Variants in DST observed in about 807,000 individuals in gnomAD.
DST encodes the protein dystonin, also known as bullous pemphigoid antigen.
Under a neutral mutation model 875.2 loss-of-function variants are expected in DST, and 253 were observed. The ratio of observed to expected loss-of-function variants is 0.29; its 90% CI spans 0.26 to 0.32. The LOEUF is 0.32. Among genes scored for constraint, DST ranks in the 10% least tolerant of loss-of-function variants. DST has a pLI of 1.00. For missense variants in DST, 8,287 were observed against 9,111.6 expected (o/e 0.91, Z 3.68); for synonymous variants, 3,124 against 3,197.1 (o/e 0.98, Z 0.77).
chr6:56,697,633 AACTT>A (rs1335064939), intron 9 of DST, among the ~76,000 whole-genome samples: 2 of 152,192 alleles, frequency 1.3e-5, no homozygotes, highest in African/African-American at 4.8e-5. Flanking sequence ...CCAAGAACGA[AACTT>A]AATTCTACCT....
chr6:56,605,022 A>G lies in DST; in HGVS notation c.9606T>C (p.Asp3202=), dbSNP rs776299490. 2 of 1,612,964 alleles carry G rather than the reference A, an allele frequency of 1.2e-6. No individual in the cohort carries two copies. The highest frequency in any genetic ancestry group is 1.7e-6 in the Non-Finnish European group (2 of 1,179,334). Residue 3202 remains aspartate (D), a synonymous_variant, in exon 40 of 104, where the codon GAT becomes GAC. Coordinates refer to ENST00000680361, the MANE Select transcript of DST (RefSeq NM_001374736.1). ...CAGTTATTAAAACATGGCTTGGGAC[A>G]TCTTCATTTGGTTTGGCTACATCTT... ...KAKDVAKPNE[D]VPSHVLITAP... is the part of the protein sequence containing the mutation.
At chr6:56,697,086 A>T (rs1175126291) in intron 9 of DST, among the ~76,000 whole-genome samples, 1 of 152,054 alleles carries the variant, frequency 6.6e-6, no homozygotes, top group Non-Finnish European at 1.5e-5. Context: ...CCATCCCATC[A>T]AGCCCACCCA....
chr6:56,721,389 C>A (rs1465235469), intron 5 of DST, among the ~76,000 whole-genome samples: 2 of 152,346 alleles, frequency 1.3e-5, no homozygotes, highest in East Asian at 1.9e-4. Flanking sequence ...ACAGGCCTAG[C>A]AAATCACAAG....
intron 49 of DST, among the ~76,000 whole-genome samples, chr6:56,585,842 T>C (rs1191506821): frequency 2.0e-5 from 3 of 152,188 alleles, no homozygotes; most frequent in African/African-American, 7.2e-5. Flanking sequence ...CTGCCTTCAT[T>C]TCGTTAGGTA....
At chr6:56,953,133 G>T (rs1158898525) in intron 2 of DST, among the ~76,000 whole-genome samples, 1 of 152,198 alleles carries the variant, frequency 6.6e-6, no homozygotes, top group South Asian at 2.1e-4. Flanking sequence ...ATAAGTGGAG[G>T]TTGGCCTGAA....
rs752562075 is a variant in DST at position 56,603,393 on chromosome 6, C to T, written c.10969G>A (p.Ala3657Thr). 1.2e-6 allele frequency: 2 copies of T among 1,610,632 alleles called. No individual in the cohort carries two copies. The highest frequency in any genetic ancestry group is 1.7e-5 in the Admixed American group (1 of 59,792). The part of the protein sequence containing the change: ...ETFELGLAPI[A>T]VILRKDMKLA... Reference sequence around the variant, plus strand: ...TTCATATCTTTTCTTAAAATAACAGCAATTGGAGCTAATCCCAATTCAAAT... The same window carrying T: ...TTCATATCTTTTCTTAAAATAACAGTAATTGGAGCTAATCCCAATTCAAAT... Residue 3657 changes from alanine to threonine, a missense_variant, in exon 42 of 104, where the codon GCT (alanine) becomes ACT (threonine). Ala to Thr is a moderately conservative substitution (Grantham distance 58, BLOSUM62 0). Around this residue, in one of 10 missense-constraint regions of DST, gnomAD observed 3,138 missense variants for 3,116.6 expected, o/e 1.01. Transcript: ENST00000680361.
intron 92 of DST, among the ~76,000 whole-genome samples, chr6:56,475,394 A>AACATAC (rs1554218041): frequency 6.9e-6 from 1 of 144,882 alleles, no homozygotes; most frequent in African/African-American, 2.6e-5. Flanking sequence ...AGGCTTTTAA[A>AACATAC]ACACACACAC....
At chr6:56,776,250 G>C (rs1468716099) in intron 4 of DST, among the ~76,000 whole-genome samples, 1 of 152,100 alleles carries the variant, frequency 6.6e-6, no homozygotes, top group Non-Finnish European at 1.5e-5. Flanking sequence ...CCTCAAAACT[G>C]TCAAAATCAT....
chr6:56,739,333 C>G (rs998596254), intron 4 of DST, among the ~76,000 whole-genome samples: 8 of 151,830 alleles, frequency 5.3e-5, no homozygotes, highest in African/African-American at 1.9e-4. Flanking sequence ...TCAAAATGAA[C>G]CTAAATTACC....
intron 2 of DST, among the ~76,000 whole-genome samples, chr6:56,929,642 T>C (rs1809099584): frequency 6.6e-6 from 1 of 152,208 alleles, no homozygotes; most frequent in South Asian, 2.1e-4. Flanking sequence ...GCTTTGATTT[T>C]TGAATCACGT....
chr6:56,752,317 T>C (rs1298689385), intron 4 of DST, among the ~76,000 whole-genome samples: 2 of 152,134 alleles, frequency 1.3e-5, no homozygotes, highest in African/African-American at 4.8e-5. Context: ...GGCTTGATTT[T>C]ATGCTTTTTT....
intron 3 of DST, among the ~76,000 whole-genome samples, chr6:56,889,157 T>C (rs906072109): frequency 1.6e-4 from 24 of 152,212 alleles, no homozygotes; most frequent in African/African-American, 5.8e-4. Context: ...CTCTTCTCTA[T>C]CAAATTCATT....
At chr6:56,634,370 T>A (rs1419266003) in intron 26 of DST, 92 bp downstream of exon 26, 1 of 1,607,216 alleles carries the variant, frequency 6.2e-7, no homozygotes, top group Non-Finnish European at 8.5e-7. Context: ...AGACTTTTGA[T>A]CCTGTGGGGC....
At chr6:56,657,128 C>A (rs114516988) in intron 10 of DST, among the ~76,000 whole-genome samples, 1,898 of 152,082 alleles carry the variant, frequency 0.012, 33 homozygotes, top group African/African-American at 0.043. Context: ...TATTTAATTT[C>A]TTTTCAAGAT....
intron 4 of DST, among the ~76,000 whole-genome samples, chr6:56,746,581 A>C (rs2099573090): frequency 1.3e-5 from 2 of 152,190 alleles, no homozygotes; most frequent in Non-Finnish European, 2.9e-5. Flanking sequence ...GGAAAATAAT[A>C]TATATAAAAG....
At chr6:56,939,981 G>A (rs1009788383) in intron 2 of DST, among the ~76,000 whole-genome samples, 44 of 151,696 alleles carry the variant, frequency 2.9e-4, no homozygotes, top group Non-Finnish European at 5.7e-4. Context: ...AGCCGAGATC[G>A]TGCCACTGCA....
intron 4 of DST, among the ~76,000 whole-genome samples, chr6:56,785,116 C>T (rs1416464833): frequency 1.3e-5 from 2 of 152,174 alleles, no homozygotes; most frequent in Admixed American, 6.5e-5. Flanking sequence ...CCCGGCCGTG[C>T]GAGGTGTCAG....
chr6:56,932,531 G>C (rs924502996), intron 2 of DST, among the ~76,000 whole-genome samples: 1 of 152,096 alleles, frequency 6.6e-6, no homozygotes, highest in Non-Finnish European at 1.5e-5. Context: ...GGGAGAGAAG[G>C]AGGAGGGAAA....
rs35690052 is a variant in DST, at chr6:56,475,394, A to AACACACACACACAC, written c.21864+741_21864+754dup. Among the ~76,000 whole-genome samples, 449 of 144,962 alleles carry AACACACACACACAC rather than the reference A, an allele frequency of 3.1e-3. 3 individuals carry two copies. Among genetic ancestry groups the AACACACACACACAC allele is most frequent in the African/African-American group, 0.011 (429 of 38,552 alleles). On this transcript the variant is annotated intron_variant, in intron 92 of 103. Transcript: ENST00000680361. The stretch of plus-strand genomic sequence containing the variant: ...CATTGATGTCTTATTAGGCTTTTAA[A>AACACACACACACAC]ACACACACACACACACACACACACA...
Sources: allele counts gnomAD v4.1 joint callset (sites outside exome capture counted in the v4.1 genomes callset), GRCh38; gene constraint gnomAD v4.1.1; regional missense constraint gnomAD v4.1.1; transcripts MANE v1.5; gene names NCBI Gene and HGNC (gene_info 2026-07-23, HGNC 2026-07-21).